SEMA5A: variants seen among roughly 807,000 people sequenced by gnomAD.
SEMA5A encodes semaphorin-5A.
SEMA5A carries 55 observed loss-of-function variants against 135.5 expected under a neutral mutation model. The ratio of observed to expected loss-of-function variants is 0.41; its 90% CI spans 0.33 to 0.51. SEMA5A has a LOEUF of 0.51. Ranked by LOEUF, SEMA5A falls within the 20% of genes least tolerant of loss-of-function variation. The pLI is 0.37. For synonymous variants in SEMA5A, 580 were observed against 546.5 expected, an observed-to-expected ratio of 1.06 and a Z score of -0.85; for missense variants, 1,290 against 1,419.9, an observed-to-expected ratio of 0.91 and a Z score of 1.47.
At chr5:9,106,186 C>T (rs1448843144) in intron 16 of SEMA5A, among the ~76,000 whole-genome samples, 2 of 152,160 alleles carry the variant, frequency 1.3e-5, no homozygotes, top group Non-Finnish European at 2.9e-5. Context: ...GAAAAACAAA[C>T]CTTTAAATTT....
intron 1 of SEMA5A, among the ~76,000 whole-genome samples, chr5:9,508,484 A>T (rs1418915766): frequency 6.6e-6 from 1 of 152,190 alleles, no homozygotes. Context: ...ATTCCCATCA[A>T]TGCATACCAG....
At chr5:9,312,444 C>T (rs191415371) in intron 5 of SEMA5A, among the ~76,000 whole-genome samples, 1,691 of 150,996 alleles carry the variant, frequency 0.011, 23 homozygotes, top group South Asian at 0.019. Context: ...TGATGATAAA[C>T]AGGTTTTATT....
intron 1 of SEMA5A, among the ~76,000 whole-genome samples, chr5:9,486,288 G>A (rs765825124): frequency 5.9e-5 from 9 of 152,156 alleles, no homozygotes; most frequent in African/African-American, 9.7e-5. Flanking sequence ...TGGATTGTGA[G>A]GGGGAGGGAG....
intron 10 of SEMA5A, among the ~76,000 whole-genome samples, chr5:9,191,620 T>G (rs1033547783): frequency 3.9e-5 from 2 of 51,606 alleles, no homozygotes; most frequent in South Asian, 2.5e-3. Context: ...GAAATTGCTT[T>G]TTGAAAAGTA....
intron 21 of SEMA5A, 105 bp from the exon 22 acceptor site, chr5:9,044,689 C>T (rs1420039896): frequency 1.4e-5 from 13 of 915,010 alleles, no homozygotes; most frequent in Non-Finnish European, 2.0e-5. Flanking sequence ...AAGCTTCATC[C>T]CCATTCCAAA....
In SEMA5A at chr5:9,044,577, G is replaced by A. The variant is rs201018281; in HGVS notation, c.2901C>T (p.Asn967=). ...GCCCCACGGCGATCATGTGGAACAT[G>A]TTGAACTCTAGGGAGACATGAGCAA... The part of the protein sequence containing the change: ...SVEEKRCGEF[N]MFHMIAVGLS... The change falls in exon 22 of 23, where the codon AAC becomes AAT. Residue 967 remains asparagine, a synonymous_variant. Transcript: ENST00000382496. The A allele has an allele frequency of 6.2e-7, 1 of 1,613,984 alleles. No individual in the cohort carries two copies. The highest frequency in any genetic ancestry group is 8.5e-7 in the Non-Finnish European group (1 of 1,179,984).
intron 16 of SEMA5A, among the ~76,000 whole-genome samples, chr5:9,103,426 A>C (rs763921016): frequency 6.6e-6 from 1 of 152,146 alleles, no homozygotes; most frequent in Non-Finnish European, 1.5e-5. Flanking sequence ...GTGTTATATC[A>C]ACTCTGACTG....
intron 2 of SEMA5A, among the ~76,000 whole-genome samples, chr5:9,412,591 A>ATTTT (rs201599831): frequency 3.6e-5 from 4 of 110,360 alleles, no homozygotes; most frequent in African/African-American, 1.4e-4. Flanking sequence ...CAGATTTTGC[A>ATTTT]TTTTTTTTTT....
chr5:9,436,734 A>C (rs1758046081), intron 2 of SEMA5A, among the ~76,000 whole-genome samples: 1 of 152,236 alleles, frequency 6.6e-6, no homozygotes, highest in East Asian at 1.9e-4. Context: ...TGACTAGTAT[A>C]TGGAATGAAA....
intron 1 of SEMA5A, among the ~76,000 whole-genome samples, chr5:9,536,600 A>G (rs1360835228): frequency 6.7e-6 from 1 of 148,712 alleles, no homozygotes; most frequent in Non-Finnish European, 1.5e-5. Context: ...AGAACAGAAC[A>G]AGACTCCGTC....
chr5:9,544,605 A>G (rs1233440773), intron 1 of SEMA5A, among the ~76,000 whole-genome samples: 2 of 152,072 alleles, frequency 1.3e-5, no homozygotes, highest in Non-Finnish European at 1.5e-5. Context: ...GGACCCAGCA[A>G]CTGCCTGTGG....
chr5:9,190,533 G>GGGT, intron 10 of SEMA5A, 62 bp from the exon 11 acceptor site: 1 of 1,513,628 alleles, frequency 6.6e-7, no homozygotes, highest in Non-Finnish European at 9.1e-7. Flanking sequence ...AGCTGGCTGT[G>GGGT]GCCACCCTAG....
intron 1 of SEMA5A, among the ~76,000 whole-genome samples, chr5:9,462,742 G>A (rs199623178): frequency 1.3e-5 from 2 of 152,038 alleles, no homozygotes; most frequent in African/African-American, 2.4e-5. Flanking sequence ...ACCAAATACC[G>A]CATTTTCTCA....
At chr5:9,428,096 A>G (rs879575522) in intron 2 of SEMA5A, among the ~76,000 whole-genome samples, 10,384 of 81,794 alleles carry the variant, frequency 0.13, 454 homozygotes, top group African/African-American at 0.28. Flanking sequence ...GTGTATATAT[A>G]TATATATATA....
rs775535375 is a variant in SEMA5A at position 9,054,092 on chromosome 5, C to A, written c.2684G>T (p.Cys895Phe). 1 of 1,607,800 alleles carries A rather than the reference C, an allele frequency of 6.2e-7. No homozygotes were observed. Among genetic ancestry groups the A allele is most frequent in the East Asian group, 2.2e-5 (1 of 44,706 alleles). The change falls in exon 19 of 23, where the codon TGC becomes TTC. Residue 895 changes from cysteine (C) to phenylalanine (F), a missense_variant. By Grantham distance (205) the Cys-to-Phe change is radical. This residue lies in a region of SEMA5A where 1,029 missense variants were observed against 1,086.6 expected (regional missense o/e 0.95). Transcript: ENST00000382496. ...GTAGGTGAGGTGCCGCTTACCTGGG[C>A]AGGGCTGCGTGTTGCAGAGTGCCTC... ...TEEALCNTQP[C>F]PESWSEWSDW... is the part of the protein sequence containing the mutation.
chr5:9,490,798 C>T (rs1201348212), intron 1 of SEMA5A, among the ~76,000 whole-genome samples: 2 of 152,178 alleles, frequency 1.3e-5, no homozygotes, highest in East Asian at 1.9e-4. Context: ...ACAATGACCT[C>T]ACACTTAGGC....
intron 2 of SEMA5A, among the ~76,000 whole-genome samples, chr5:9,425,038 T>C (rs554941293): frequency 7.2e-5 from 11 of 152,318 alleles, no homozygotes; most frequent in African/African-American, 2.2e-4. Context: ...ATGCCCCTAA[T>C]AGACATAGAA....
At chr5:9,375,600 C>A (rs1755332242) in intron 3 of SEMA5A, among the ~76,000 whole-genome samples, 1 of 148,020 alleles carries the variant, frequency 6.8e-6, no homozygotes, top group African/African-American at 2.5e-5. Context: ...TGTTTTAAGC[C>A]ATCTAGTGTG....
chr5:9,357,316 A>G (rs377460185), intron 3 of SEMA5A, among the ~76,000 whole-genome samples: 11 of 152,358 alleles, frequency 7.2e-5, no homozygotes, highest in African/African-American at 2.4e-4. Flanking sequence ...GCTTAGGAAT[A>G]TGAAAGGGGA....
Sources: gnomAD v4.1 joint callset for allele counts (sites outside exome capture counted in the v4.1 genomes callset) on GRCh38, gnomAD v4.1.1 for gene constraint, gnomAD v4.1.1 regional missense constraint, MANE v1.5 for transcripts, NCBI Gene and HGNC (gene_info 2026-07-23, HGNC 2026-07-21) for gene names.